The following GPR39 variants were observed in gnomAD, a reference collection of about 807,000 sequenced individuals.
GPR39 encodes the protein zinc sensing receptor.
A neutral mutation model predicts 18.4 loss-of-function variants in GPR39; 23 were observed. The observed-to-expected ratio is 1.25, with a 90% CI of 0.90 to 1.77. The LOEUF (loss-of-function observed/expected upper bound fraction) is 1.77. Ranked by LOEUF, GPR39 falls within the 40% of genes most tolerant of loss-of-function variation. The pLI, the probability that GPR39 is intolerant of heterozygous loss-of-function variation, is 0.00. For missense variants in GPR39, 647 were observed against 602.4 expected, an observed-to-expected ratio of 1.07 and a Z score of -0.78; for synonymous variants, 280 against 257.9, an observed-to-expected ratio of 1.09 and a Z score of -0.82.
At chr2:132,577,048 T>A (rs1296960106) in intron 1 of GPR39, among the ~76,000 whole-genome samples, 1 of 96,438 alleles carries the variant, frequency 1.0e-5, no homozygotes, top group African/African-American at 2.8e-5. Flanking sequence ...ATTCCTCCCA[T>A]TTTTTTTTTT....
chr2:132,485,648 A>G (rs1450861091), intron 1 of GPR39, among the ~76,000 whole-genome samples: 1 of 152,210 alleles, frequency 6.6e-6, no homozygotes, highest in Non-Finnish European at 1.5e-5. Context: ...GCTTATCCAT[A>G]AGAAGTAACT....
At chr2:132,609,636 A>G (rs4449192) in intron 1 of GPR39, among the ~76,000 whole-genome samples, 70,472 of 151,984 alleles carry the variant, frequency 0.46, 16,632 homozygotes, top group East Asian at 0.64. Context: ...TGGGCTTCTC[A>G]TTGTGAGTTT....
chr2:132,611,750 A>T (rs1183469203), intron 1 of GPR39, among the ~76,000 whole-genome samples: 3 of 152,116 alleles, frequency 2.0e-5, no homozygotes, highest in African/African-American at 7.2e-5. Flanking sequence ...TGGGATGGAG[A>T]TTATACAGTG....
At chr2:132,576,891 G>A (rs533349289) in intron 1 of GPR39, among the ~76,000 whole-genome samples, 1 of 152,142 alleles carries the variant, frequency 6.6e-6, no homozygotes, top group African/African-American at 2.4e-5. Context: ...CCACTTAATT[G>A]TTTGGCATGC....
In GPR39 at chr2:132,428,700, C is replaced by T. The variant is rs149688380; in HGVS notation, c.856+10802C>T. On this transcript the variant is annotated intron_variant, in intron 1 of 1. Transcript: ENST00000329321. ...TCAGGGTATGAGAAGCACTGATCTA[C>T]AACACTTGGGGATTCTTTAATGTCA... 2.8e-3 allele frequency among the ~76,000 whole-genome samples: 421 copies of T among 152,284 alleles called. 3 individuals are homozygous for T. The highest frequency in any genetic ancestry group is 9.0e-3 in the African/African-American group (375 of 41,550).
At chr2:132,597,284 T>C (rs1680965491) in intron 1 of GPR39, among the ~76,000 whole-genome samples, 1 of 152,196 alleles carries the variant, frequency 6.6e-6, no homozygotes, top group South Asian at 2.1e-4. Context: ...TTCCAGAACA[T>C]CAGCTTCCCA....
At chr2:132,485,224 C>A (rs1004425420) in intron 1 of GPR39, among the ~76,000 whole-genome samples, 15 of 152,156 alleles carry the variant, frequency 9.9e-5, no homozygotes, top group African/African-American at 3.6e-4. Context: ...AATATGCATA[C>A]CTTAATTTTA....
intron 1 of GPR39, among the ~76,000 whole-genome samples, chr2:132,588,127 G>A (rs998589157): frequency 6.6e-6 from 1 of 152,096 alleles, no homozygotes; most frequent in Non-Finnish European, 1.5e-5. Context: ...AAGGGAAAAG[G>A]TGTTTGCGAT....
chr2:132,514,922 G>A (rs1172016580), intron 1 of GPR39, among the ~76,000 whole-genome samples: 1 of 151,930 alleles, frequency 6.6e-6, no homozygotes, highest in African/African-American at 2.4e-5. Context: ...CCTCTCCCAT[G>A]GTCACCCTAC....
At chr2:132,538,836 A>C (rs1349515888) in intron 1 of GPR39, among the ~76,000 whole-genome samples, 1 of 152,184 alleles carries the variant, frequency 6.6e-6, no homozygotes. Context: ...TGCTCAGTCC[A>C]AACCTCTCAA....
At chr2:132,502,847 T>A (rs1679072246) in intron 1 of GPR39, among the ~76,000 whole-genome samples, 1 of 152,244 alleles carries the variant, frequency 6.6e-6, no homozygotes, top group African/African-American at 2.4e-5. Flanking sequence ...CTTCTGCGTG[T>A]TCAGTTCTGC....
At chr2:132,481,842 C>T (rs1681241779) in intron 1 of GPR39, among the ~76,000 whole-genome samples, 1 of 152,166 alleles carries the variant, frequency 6.6e-6, no homozygotes, top group African/African-American at 2.4e-5. Flanking sequence ...CAGCAATGCT[C>T]CAGCCTCAGC....
intron 1 of GPR39, among the ~76,000 whole-genome samples, chr2:132,627,041 A>G (rs1366986027): frequency 6.6e-6 from 1 of 152,150 alleles, no homozygotes; most frequent in Non-Finnish European, 1.5e-5. Context: ...TGTCATGGCC[A>G]CAGAGTTACA....
intron 1 of GPR39, among the ~76,000 whole-genome samples, chr2:132,635,758 T>C (rs968578024): frequency 2.0e-5 from 3 of 152,180 alleles, no homozygotes; most frequent in Non-Finnish European, 2.9e-5. Flanking sequence ...CTGACTGTAT[T>C]TGGGGATCGG....
At chr2:132,439,443 C>G in intron 1 of GPR39, among the ~76,000 whole-genome samples, 1 of 152,278 alleles carries the variant, frequency 6.6e-6, no homozygotes, top group East Asian at 1.9e-4. Flanking sequence ...TGCTGAGATG[C>G]GGCTCCACTT....
chr2:132,532,846 C>G (rs1019752175), intron 1 of GPR39, among the ~76,000 whole-genome samples: 1 of 152,164 alleles, frequency 6.6e-6, no homozygotes, highest in Non-Finnish European at 1.5e-5. Context: ...GGACACATCT[C>G]AAAATAATAA....
intron 1 of GPR39, among the ~76,000 whole-genome samples, chr2:132,563,822 G>A: frequency 6.7e-6 from 1 of 149,764 alleles, no homozygotes; most frequent in East Asian, 2.0e-4. Context: ...GGTGGCCTGG[G>A]CTGAGGATTG....
intron 1 of GPR39, among the ~76,000 whole-genome samples, chr2:132,571,796 C>T (rs1680444323): frequency 6.6e-6 from 1 of 152,168 alleles, no homozygotes; most frequent in Non-Finnish European, 1.5e-5. Context: ...CCATAAAAAA[C>T]ACAGCATTCG....
intron 1 of GPR39, among the ~76,000 whole-genome samples, chr2:132,542,419 G>A (rs537069850): frequency 1.3e-5 from 2 of 152,176 alleles, no homozygotes; most frequent in Non-Finnish European, 2.9e-5. Flanking sequence ...ACTTCTCTGA[G>A]CCTTGGATTC....
Sources: allele counts gnomAD v4.1 joint callset (sites outside exome capture counted in the v4.1 genomes callset), GRCh38; gene constraint gnomAD v4.1.1; transcripts MANE v1.5; gene names NCBI Gene and HGNC (gene_info 2026-07-23, HGNC 2026-07-21).